CNTNAP5: variants seen among roughly 807,000 people sequenced by gnomAD.
CNTNAP5 encodes contactin-associated protein-like 5.
In CNTNAP5, 72 loss-of-function variants were observed where a neutral mutation model predicts 150.2. The observed-to-expected ratio is 0.48, with a 90% CI of 0.40 to 0.58. The LOEUF (loss-of-function observed/expected upper bound fraction) is 0.58. Ranked by LOEUF, CNTNAP5 falls within the 20% of genes least tolerant of loss-of-function variation. CNTNAP5 has a pLI of 0.00. For synonymous variants in CNTNAP5, 672 were observed against 619.8 expected (o/e 1.08, Z -1.25); for missense variants, 1,636 against 1,626.2 (o/e 1.01, Z -0.10).
chr2:124,215,282 T>C (rs933567147), intron 1 of CNTNAP5, among the ~76,000 whole-genome samples: 15 of 152,174 alleles, frequency 9.9e-5, no homozygotes, highest in African/African-American at 3.1e-4. Context: ...ATGCACACAA[T>C]TGAACTTCAG....
chr2:124,871,430 C>T (rs1447006138), intron 21 of CNTNAP5, among the ~76,000 whole-genome samples: 2 of 152,118 alleles, frequency 1.3e-5, no homozygotes, highest in Non-Finnish European at 2.9e-5. Context: ...TGGCACTGGC[C>T]TTTAAGAACC....
intron 3 of CNTNAP5, among the ~76,000 whole-genome samples, chr2:124,341,980 T>C (rs1689630409): frequency 6.6e-6 from 1 of 152,144 alleles, no homozygotes; most frequent in Non-Finnish European, 1.5e-5. Context: ...GTTTGGAGAC[T>C]CATAACCAGG....
intron 1 of CNTNAP5, among the ~76,000 whole-genome samples, chr2:124,055,202 T>A (rs2104646889): frequency 6.6e-6 from 1 of 152,356 alleles, no homozygotes; most frequent in South Asian, 2.1e-4. Flanking sequence ...TAAGAAAGGA[T>A]GCTTGTGAAG....
At chr2:124,227,901 T>C (rs1042016366) in intron 2 of CNTNAP5, among the ~76,000 whole-genome samples, 1 of 151,518 alleles carries the variant, frequency 6.6e-6, no homozygotes, top group African/African-American at 2.4e-5. Context: ...CACATACACA[T>C]ACACACACAC....
intron 12 of CNTNAP5, among the ~76,000 whole-genome samples, chr2:124,623,635 A>G (rs1333683076): frequency 6.6e-6 from 1 of 152,202 alleles, no homozygotes; most frequent in Non-Finnish European, 1.5e-5. Flanking sequence ...TCAGAAAGTG[A>G]CAGTCACAGA....
chr2:124,754,520 A>T lies in CNTNAP5; in HGVS notation c.2234+7135A>T, dbSNP rs566990641. On this transcript the variant is annotated intron_variant, in intron 14 of 23. Coordinates refer to ENST00000682447, the MANE Select transcript of CNTNAP5 (RefSeq NM_001367498.1). ...TGGGTCCTCCATGCCTTAACTGCTG[A>T]ATGAGAGGATGCATGAATGAAGAGA... 7.9e-4 allele frequency among the ~76,000 whole-genome samples: 120 copies of T among 152,158 alleles called. 2 individuals are homozygous for T. The South Asian group carries it at 0.024, about 30-fold the overall frequency.
At chr2:124,711,063 G>A (rs1318567456) in intron 13 of CNTNAP5, among the ~76,000 whole-genome samples, 2 of 152,062 alleles carry the variant, frequency 1.3e-5, no homozygotes, top group East Asian at 3.9e-4. Flanking sequence ...ACGAGGTCAG[G>A]AGTTGAAGAC....
intron 3 of CNTNAP5, among the ~76,000 whole-genome samples, chr2:124,327,255 C>T (rs1231736866): frequency 2.0e-5 from 3 of 152,058 alleles, no homozygotes; most frequent in Non-Finnish European, 4.4e-5. Flanking sequence ...GCTGGGATTA[C>T]AGGCATGAGC....
At chr2:124,854,629 G>C (rs1261700146) in intron 19 of CNTNAP5, among the ~76,000 whole-genome samples, 1 of 152,198 alleles carries the variant, frequency 6.6e-6, no homozygotes, top group Non-Finnish European at 1.5e-5. Flanking sequence ...TAATTTGGGG[G>C]AAGTGTTGAT....
intron 6 of CNTNAP5, among the ~76,000 whole-genome samples, chr2:124,459,546 C>T (rs780053207): frequency 6.6e-5 from 10 of 151,946 alleles, no homozygotes; most frequent in Non-Finnish European, 8.8e-5. Flanking sequence ...GTCAGGAGTT[C>T]GAGACCAGCC....
chr2:124,235,684 A>G (rs1462192466), intron 2 of CNTNAP5, among the ~76,000 whole-genome samples: 1 of 152,144 alleles, frequency 6.6e-6, no homozygotes. Flanking sequence ...CTTGTTTTGT[A>G]ACTGACTTCC....
At chr2:124,459,781 G>A (rs4241119) in intron 6 of CNTNAP5, among the ~76,000 whole-genome samples, 1 of 145,130 alleles carries the variant, frequency 6.9e-6, no homozygotes. Context: ...AAAAAAAAAA[G>A]GAATTGTGTT....
intron 3 of CNTNAP5, among the ~76,000 whole-genome samples, chr2:124,257,109 C>T (rs1687333047): frequency 6.6e-6 from 1 of 152,186 alleles, no homozygotes; most frequent in South Asian, 2.1e-4. Flanking sequence ...AGGGAAGATT[C>T]TTCCCTGGGG....
At chr2:124,644,334 C>A (rs1678160002) in intron 12 of CNTNAP5, among the ~76,000 whole-genome samples, 1 of 152,080 alleles carries the variant, frequency 6.6e-6, no homozygotes, top group Non-Finnish European at 1.5e-5. Context: ...GGATGCAGGG[C>A]TAAATCTACA....
At chr2:124,763,859 C>T in intron 15 of CNTNAP5, 60 bp downstream of exon 15, 1 of 1,607,372 alleles carries the variant, frequency 6.2e-7, no homozygotes, top group East Asian at 2.2e-5. Context: ...GATGTTCTTA[C>T]TCCCTTATCC....
rs187197254 is a variant in CNTNAP5 at position 124,063,997 on chromosome 2, C to T, written c.82+38265C>T. On this transcript the variant is annotated intron_variant, in intron 1 of 23. Transcript: ENST00000682447. ...AAATCCTAAGAAAACATATTGCTCC[C>T]GTTGCTGCAGACAACTATGTTATGA... Among the ~76,000 whole-genome samples the T allele has an allele frequency of 3.3e-5, 5 of 152,164 alleles. No homozygotes were observed. The East Asian group carries it at 5.8e-4, about 18-fold the overall frequency.
At chr2:124,350,890 T>C (rs1380257691) in intron 3 of CNTNAP5, among the ~76,000 whole-genome samples, 1 of 152,278 alleles carries the variant, frequency 6.6e-6, no homozygotes, top group African/African-American at 2.4e-5. Flanking sequence ...TGTTGCCTCA[T>C]ATTTAAAAAA....
At chr2:124,497,554 C>A (rs1482036864) in intron 7 of CNTNAP5, among the ~76,000 whole-genome samples, 4 of 152,138 alleles carry the variant, frequency 2.6e-5, no homozygotes, top group African/African-American at 7.2e-5. Flanking sequence ...AGTGAAATAA[C>A]CAAAGGATTA....
At chr2:124,349,370 C>A (rs567890728) in intron 3 of CNTNAP5, among the ~76,000 whole-genome samples, 1 of 152,274 alleles carries the variant, frequency 6.6e-6, no homozygotes, top group East Asian at 1.9e-4. Context: ...TTTTATGAGA[C>A]CACCATCACA....
Sources: gnomAD v4.1 joint callset for allele counts (sites outside exome capture counted in the v4.1 genomes callset) on GRCh38, gnomAD v4.1.1 for gene constraint, MANE v1.5 for transcripts, NCBI Gene and HGNC (gene_info 2026-07-23, HGNC 2026-07-21) for gene names.